The following ST7L variants were observed in gnomAD, a reference collection of about 807,000 sequenced individuals.
ST7L encodes the protein suppression of tumorigenicity 7 like.
A neutral mutation model predicts 72.5 loss-of-function variants in ST7L; 57 were observed. The ratio of observed to expected loss-of-function variants is 0.79; its 90% CI spans 0.64 to 0.98. ST7L has a LOEUF of 0.98. Among genes scored for constraint, ST7L ranks in the 50% least tolerant of loss-of-function variants. ST7L has a pLI of 0.00. For synonymous variants in ST7L, 221 were observed against 240.9 expected (o/e 0.92, Z 0.77); for missense variants, 576 against 672.2 (o/e 0.86, Z 1.58).
chr1:112,572,466 G>C (rs1277824458), intron 11 of ST7L, among the ~76,000 whole-genome samples: 1 of 151,972 alleles, frequency 6.6e-6, no homozygotes. Flanking sequence ...CTCAACATGA[G>C]CAAAGCAGAA....
At chr1:112,618,807 C>G (rs1319677527) in intron 1 of ST7L, 102 bp downstream of exon 1, 1 of 1,479,382 alleles carries the variant, frequency 6.8e-7, no homozygotes, top group Non-Finnish European at 9.0e-7. Context: ...ATCGACTCCT[C>G]AGAGGCCCTC....
At chr1:112,528,001 A>G (rs1653746144) in intron 14 of ST7L, 1 of 152,240 alleles carries the variant, frequency 6.6e-6, no homozygotes, top group South Asian at 2.1e-4. Context: ...TCCTAGAATA[A>G]TTATGCTTAC....
At chr1:112,586,501 G>A (rs1055048572) in intron 6 of ST7L, among the ~76,000 whole-genome samples, 3 of 152,032 alleles carry the variant, frequency 2.0e-5, no homozygotes, top group African/African-American at 7.2e-5. Flanking sequence ...AAAACCGACT[G>A]AAATATTTTA....
Position 112,556,251 on chromosome 1 carries a change from A to G in ST7L, c.1246-233T>C, listed in dbSNP as rs529323343. ...AGGTAAAAATAAGGTGATAAATGGCATATGTGTGGCCTGGCTAAATACAAA... is the reference window on the plus strand; with the variant it reads ...AGGTAAAAATAAGGTGATAAATGGCGTATGTGTGGCCTGGCTAAATACAAA... On this transcript the variant is annotated intron_variant, in intron 11 of 14. Coordinates refer to ENST00000358039, the MANE Select transcript of ST7L (RefSeq NM_017744.5). Among the ~76,000 whole-genome samples the G allele has an allele frequency of 3.9e-5, 6 of 152,346 alleles. No homozygotes were observed. In the South Asian group the frequency reaches 6.2e-4, roughly 16 times the overall value.
intron 9 of ST7L, 145 bp downstream of exon 9, chr1:112,581,843 TAAAG>T: frequency 3.2e-6 from 2 of 622,566 alleles, no homozygotes; most frequent in South Asian, 3.8e-5. Flanking sequence ...AAAGTCCTGA[TAAAG>T]AAGATACTAA....
chr1:112,610,719 G>A (rs1668944861), intron 3 of ST7L, 122 bp downstream of exon 3: 1 of 1,242,846 alleles, frequency 8.0e-7, no homozygotes, highest in Non-Finnish European at 1.1e-6. Flanking sequence ...TTGGTGATTA[G>A]AATTTTGGGG....
chr1:112,572,170 C>A (rs1171070548), intron 11 of ST7L, among the ~76,000 whole-genome samples: 1 of 152,182 alleles, frequency 6.6e-6, no homozygotes, highest in Non-Finnish European at 1.5e-5. Flanking sequence ...GTGTTTAAAC[C>A]ATGCTATAAA....
At chr1:112,559,472 T>C (rs976892187) in intron 11 of ST7L, among the ~76,000 whole-genome samples, 2 of 151,604 alleles carry the variant, frequency 1.3e-5, no homozygotes, top group Non-Finnish European at 2.9e-5. Flanking sequence ...GACCTCGTGA[T>C]CCACCAGCCT....
chr1:112,554,291 A>G (rs1412392445), intron 12 of ST7L, among the ~76,000 whole-genome samples: 2 of 152,180 alleles, frequency 1.3e-5, no homozygotes, highest in African/African-American at 4.8e-5. Flanking sequence ...GAGATCGGGT[A>G]GTTAGTTTAA....
chr1:112,598,206 A>C (rs1666769224), intron 4 of ST7L, 120 bp from the exon 5 acceptor site: 1 of 597,482 alleles, frequency 1.7e-6, no homozygotes, highest in African/African-American at 1.9e-5. Context: ...AAAATCTTAC[A>C]ATCAGTAAAA....
At chr1:112,548,405 A>G (rs760465245) in intron 13 of ST7L, among the ~76,000 whole-genome samples, 1 of 152,204 alleles carries the variant, frequency 6.6e-6, no homozygotes, top group South Asian at 2.1e-4. Flanking sequence ...GGAGTTTACA[A>G]TCTAAAAGGG....
intron 14 of ST7L, chr1:112,539,956 G>A (rs1375310675): frequency 1.0e-6 from 1 of 985,182 alleles, no homozygotes; most frequent in Non-Finnish European, 1.2e-6. Flanking sequence ...TAGAAAAGCA[G>A]TATATCAATA....
At chr1:112,534,318 T>C (rs1160938449) in intron 14 of ST7L, among the ~76,000 whole-genome samples, 3 of 152,216 alleles carry the variant, frequency 2.0e-5, no homozygotes, top group Non-Finnish European at 4.4e-5. Context: ...ATCAAAAGTA[T>C]GTATCATGAC....
chr1:112,575,009 C>T (rs931008509), intron 11 of ST7L, among the ~76,000 whole-genome samples: 31 of 152,152 alleles, frequency 2.0e-4, no homozygotes, highest in Middle Eastern at 3.4e-3. Context: ...GAGGCTGAGG[C>T]GGGCGGATCA....
intron 2 of ST7L, among the ~76,000 whole-genome samples, chr1:112,611,889 A>G (rs1437998541): frequency 6.8e-6 from 1 of 147,630 alleles, no homozygotes; most frequent in Non-Finnish European, 1.5e-5. Context: ...GGATCTCTTG[A>G]GCCCAAGGAG....
intron 14 of ST7L, chr1:112,539,193 G>A (rs149413886): frequency 3.3e-5 from 5 of 152,344 alleles, no homozygotes; most frequent in African/African-American, 1.2e-4. Flanking sequence ...TTCTGATTCA[G>A]AAGGTCTGGA....
chr1:112,522,033 CTTTT>C (rs928777794), downstream of ST7L: 6 of 151,436 alleles, frequency 4.0e-5, no homozygotes, highest in African/African-American at 1.2e-4. Context: ...TTTTTTCTTT[CTTTT>C]TATTTCTTTT....
At chr1:112,552,939 A>C (rs1449711802) in intron 12 of ST7L, among the ~76,000 whole-genome samples, 1 of 152,060 alleles carries the variant, frequency 6.6e-6, no homozygotes, top group East Asian at 1.9e-4. Context: ...CCTCATCACT[A>C]CATAAAAAGT....
At chr1:112,543,449 T>G (rs1182700908) in intron 13 of ST7L, among the ~76,000 whole-genome samples, 1 of 152,126 alleles carries the variant, frequency 6.6e-6, no homozygotes, top group African/African-American at 2.4e-5. Flanking sequence ...TCAGGAAGGC[T>G]GAGCAGGAAA....
Sources: gnomAD v4.1 joint callset for allele counts (sites outside exome capture counted in the v4.1 genomes callset) on GRCh38, gnomAD v4.1.1 for gene constraint, MANE v1.5 for transcripts, NCBI Gene and HGNC (gene_info 2026-07-23, HGNC 2026-07-21) for gene names.